The following REDIC1 variants were observed in gnomAD, a reference collection of about 807,000 sequenced individuals.
REDIC1 encodes regulator of DNA class I crossover intermediates 1, also known as HEI10 Interacting Protein 1.
chr12:39,747,542 C>CT, the REDIC1 span, among the ~76,000 whole-genome samples: 1 of 152,194 alleles, frequency 6.6e-6, no homozygotes, highest in Non-Finnish European at 1.5e-5. Context: ...CCTAGCAAGG[C>CT]AGGCCAACAT....
the REDIC1 span, among the ~76,000 whole-genome samples, chr12:39,787,470 T>G: frequency 3.3e-5 from 5 of 152,190 alleles, no homozygotes; most frequent in East Asian, 9.6e-4. Context: ...AAATCCTTTA[T>G]CGGGATTTCT....
At chr12:39,669,746 G>GC in the REDIC1 span, among the ~76,000 whole-genome samples, 7 of 152,190 alleles carry the variant, frequency 4.6e-5, no homozygotes, top group Non-Finnish European at 7.3e-5. Context: ...TTAAGCCTCC[G>GC]CCGTGGTGGG....
At chr12:39,900,694 C>A in the REDIC1 span, among the ~76,000 whole-genome samples, 1 of 152,062 alleles carries the variant, frequency 6.6e-6, no homozygotes, top group African/African-American at 2.4e-5. Context: ...AAAGAGGATA[C>A]AAACAAATGG....
At chr12:39,748,901 C>A in the REDIC1 span, among the ~76,000 whole-genome samples, 1 of 152,160 alleles carries the variant, frequency 6.6e-6, no homozygotes, top group Admixed American at 6.5e-5. Context: ...ACCAGAATCT[C>A]TGGGACACAT....
chr12:39,759,089 T>G, the REDIC1 span: 1 of 152,388 alleles, frequency 6.6e-6, no homozygotes, highest in African/African-American at 2.4e-5. Flanking sequence ...GTAACACAAA[T>G]GAAGGCACGA....
At chr12:39,646,492 G>A in the REDIC1 span, 1 of 1,531,830 alleles carries the variant, frequency 6.5e-7, no homozygotes, top group South Asian at 1.2e-5. Flanking sequence ...ATATTATTAG[G>A]TGTTTAAACT....
At chr12:39,668,144 G>T in the REDIC1 span, among the ~76,000 whole-genome samples, 3 of 151,704 alleles carry the variant, frequency 2.0e-5, no homozygotes, top group Non-Finnish European at 2.9e-5. Flanking sequence ...GTTAGTTGAT[G>T]CAGTTTCTTC....
chr12:39,637,116 C>G, the REDIC1 span, among the ~76,000 whole-genome samples: 1 of 151,676 alleles, frequency 6.6e-6, no homozygotes, highest in East Asian at 1.9e-4. Context: ...TCTCCTTTAA[C>G]CCCTTTATAC....
At chr12:39,718,053 C>T in the REDIC1 span, among the ~76,000 whole-genome samples, 75 of 152,018 alleles carry the variant, frequency 4.9e-4, no homozygotes, top group Middle Eastern at 6.8e-3. Context: ...TGTTTAACAT[C>T]TACAACAGTT....
At chr12:39,882,750 A>T in the REDIC1 span, among the ~76,000 whole-genome samples, 2 of 150,832 alleles carry the variant, frequency 1.3e-5, no homozygotes, top group African/African-American at 4.8e-5. Context: ...GCACTCAAAC[A>T]CCTGTCTTCT....
At chr12:39,655,640 G>A in the REDIC1 span, among the ~76,000 whole-genome samples, 2 of 152,188 alleles carry the variant, frequency 1.3e-5, no homozygotes. Flanking sequence ...GAGCTGCAGT[G>A]TTGGACTTCC....
At chr12:39,705,255 T>G in the REDIC1 span, among the ~76,000 whole-genome samples, 1 of 151,990 alleles carries the variant, frequency 6.6e-6, no homozygotes, top group Admixed American at 6.6e-5. Flanking sequence ...TTACCAAGAT[T>G]GAACCATGAA....
chr12:39,729,989 T>A, the REDIC1 span, among the ~76,000 whole-genome samples: 1 of 152,206 alleles, frequency 6.6e-6, no homozygotes, highest in East Asian at 1.9e-4. Flanking sequence ...AGCCCCTGCT[T>A]TTTTTGCTTT....
chr12:39,899,992 A>G, the REDIC1 span, among the ~76,000 whole-genome samples: 1 of 151,176 alleles, frequency 6.6e-6, no homozygotes, highest in Admixed American at 6.8e-5. Context: ...CTTATCCACC[A>G]TGATCAAGTG....
At chr12:39,745,252 A>G in the REDIC1 span, among the ~76,000 whole-genome samples, 1 of 152,196 alleles carries the variant, frequency 6.6e-6, no homozygotes, top group Non-Finnish European at 1.5e-5. Context: ...TAAATCCATA[A>G]CCAGTGACCC....
At chr12:39,844,537 A>G in the REDIC1 span, among the ~76,000 whole-genome samples, 2 of 152,098 alleles carry the variant, frequency 1.3e-5, no homozygotes, top group South Asian at 2.1e-4. Flanking sequence ...TGTTCTTTTT[A>G]GAAAAGAAAG....
chr12:39,826,092 T>C, the REDIC1 span, among the ~76,000 whole-genome samples: 9 of 152,266 alleles, frequency 5.9e-5, no homozygotes, highest in African/African-American at 2.2e-4. Context: ...TACTGAAATA[T>C]CTATACATTT....
chr12:39,808,901 A>C, the REDIC1 span, among the ~76,000 whole-genome samples: 1 of 152,086 alleles, frequency 6.6e-6, no homozygotes, highest in Non-Finnish European at 1.5e-5. Context: ...TTCAAAGAGT[A>C]GACAATTTTA....
At chr12:39,797,738 A>ACACACG in the REDIC1 span, among the ~76,000 whole-genome samples, 1 of 52,490 alleles carries the variant, frequency 1.9e-5, no homozygotes, top group Non-Finnish European at 4.0e-5. Context: ...ACACACACAC[A>ACACACG]CACACACACA....
Sources: allele counts gnomAD v4.1 joint callset (sites outside exome capture counted in the v4.1 genomes callset), GRCh38; gene constraint gnomAD v4.1.1; transcripts MANE v1.5; gene names NCBI Gene and HGNC (gene_info 2026-07-23, HGNC 2026-07-21).